The following LRRC4C variants were observed in gnomAD, a reference collection of about 807,000 sequenced individuals.
LRRC4C encodes the protein leucine-rich repeat-containing protein 4C.
Under a neutral mutation model 33.6 loss-of-function variants are expected in LRRC4C, and 5 were observed. That is an observed-to-expected ratio of 0.15 (90% CI 0.08 to 0.31). The LOEUF (loss-of-function observed/expected upper bound fraction) is 0.31. Ranked by LOEUF, LRRC4C falls within the 10% of genes least tolerant of loss-of-function variation. The pLI is 1.00. For missense variants in LRRC4C, 560 were observed against 796.7 expected, an observed-to-expected ratio of 0.70 and a Z score of 3.58; for synonymous variants, 329 against 302.0, an observed-to-expected ratio of 1.09 and a Z score of -0.93.
chr11:40,520,297 T>G (rs1479924329), intron 3 of LRRC4C, among the ~76,000 whole-genome samples: 1 of 152,190 alleles, frequency 6.6e-6, no homozygotes, highest in Non-Finnish European at 1.5e-5. Context: ...TGGTAAACTC[T>G]TTGGTGCAGG....
intron 6 of LRRC4C, among the ~76,000 whole-genome samples, chr11:40,135,541 G>A (rs781300046): frequency 7.9e-5 from 12 of 152,134 alleles, no homozygotes; most frequent in Non-Finnish European, 1.5e-4. Flanking sequence ...AAGCAATAAG[G>A]AGCTGGGTCC....
chr11:40,563,280 A>G (rs937879648), intron 3 of LRRC4C, among the ~76,000 whole-genome samples: 3 of 152,272 alleles, frequency 2.0e-5, no homozygotes, highest in Admixed American at 2.0e-4. Context: ...TACAGGGTGA[A>G]ATGTGGGGCA....
At chr11:40,725,990 C>A (rs1289139219) in intron 2 of LRRC4C, among the ~76,000 whole-genome samples, 1 of 152,068 alleles carries the variant, frequency 6.6e-6, no homozygotes, top group Non-Finnish European at 1.5e-5. Flanking sequence ...CACAATAGAT[C>A]CTCAGAGATT....
rs1565654144 is a variant in LRRC4C at position 41,413,901 on chromosome 11, G to A, written c.-496+45530C>T. 3.3e-5 allele frequency among the ~76,000 whole-genome samples: 5 copies of A among 152,154 alleles called. No individual in the cohort carries two copies. The South Asian group carries it at 8.3e-4, about 25-fold the overall frequency. On this transcript the variant is annotated intron_variant, in intron 1 of 6. Transcript: ENST00000528697. ...TTACAAATATCACAACGGAGCTATG[G>A]TAATCACTAAATGAGATATCTAACT...
intron 1 of LRRC4C, among the ~76,000 whole-genome samples, chr11:41,151,031 C>G (rs897101521): frequency 2.6e-5 from 4 of 151,816 alleles, no homozygotes; most frequent in African/African-American, 4.8e-5. Flanking sequence ...CACACACACA[C>G]AGACACACAC....
intron 1 of LRRC4C, among the ~76,000 whole-genome samples, chr11:41,192,277 C>T (rs746135338): frequency 6.6e-6 from 1 of 151,620 alleles, no homozygotes; most frequent in Non-Finnish European, 1.5e-5. Context: ...TTTTTCACTT[C>T]TTTTGTCAGA....
intron 2 of LRRC4C, among the ~76,000 whole-genome samples, chr11:40,711,422 T>C (rs946078496): frequency 5.3e-5 from 8 of 152,204 alleles, no homozygotes; most frequent in Admixed American, 5.2e-4. Context: ...TCCCCAGTTA[T>C]TGATCAAATT....
intron 1 of LRRC4C, among the ~76,000 whole-genome samples, chr11:41,224,736 G>T (rs368325372): frequency 2.0e-3 from 309 of 152,180 alleles, no homozygotes; most frequent in African/African-American, 7.0e-3. Context: ...ATTCTATGTG[G>T]GATTAACTGA....
chr11:41,305,861 C>A lies in LRRC4C; in HGVS notation c.-496+153570G>T, dbSNP rs1341258266. 2.4e-3 allele frequency among the ~76,000 whole-genome samples: 320 copies of A among 134,172 alleles called. 1 individual carries two copies. Among genetic ancestry groups the A allele is most frequent in the Non-Finnish European group, 3.9e-3 (246 of 62,534 alleles). The allele number at this position is 134,172 out of a possible 152,430, so 88.0% of individuals were successfully genotyped here. ...CCTCCACTATTGTCCCATGACCCTGCCAAATCCCCCTCTGTGAGAAACACC... is the reference window on the plus strand; with the variant it reads ...CCTCCACTATTGTCCCATGACCCTGACAAATCCCCCTCTGTGAGAAACACC... On this transcript the variant is annotated intron_variant, in intron 1 of 6. Transcript: ENST00000528697.
At chr11:40,895,869 G>A (rs1271748401) in intron 2 of LRRC4C, among the ~76,000 whole-genome samples, 1 of 152,090 alleles carries the variant, frequency 6.6e-6, no homozygotes, top group Admixed American at 6.6e-5. Flanking sequence ...CCTGCAATCT[G>A]GGGGCTGTCT....
intron 2 of LRRC4C, among the ~76,000 whole-genome samples, chr11:40,866,083 T>C (rs1227902051): frequency 6.6e-6 from 1 of 150,984 alleles, no homozygotes; most frequent in Admixed American, 6.6e-5. Context: ...GGGTCAGAAG[T>C]ATATGGTCTG....
intron 2 of LRRC4C, among the ~76,000 whole-genome samples, chr11:40,659,936 A>G (rs573631053): frequency 1.3e-5 from 2 of 152,326 alleles, no homozygotes; most frequent in South Asian, 4.1e-4. Flanking sequence ...CTGTAACACA[A>G]ACAGGGCTGA....
At chr11:40,126,100 G>T (rs1037779990) in intron 6 of LRRC4C, among the ~76,000 whole-genome samples, 1 of 151,436 alleles carries the variant, frequency 6.6e-6, no homozygotes, top group Admixed American at 6.6e-5. Context: ...GCAGCTGTTT[G>T]GCTAAACACA....
chr11:40,565,033 A>T (rs1957699195), intron 3 of LRRC4C, among the ~76,000 whole-genome samples: 1 of 152,206 alleles, frequency 6.6e-6, no homozygotes, highest in Non-Finnish European at 1.5e-5. Flanking sequence ...TCTACCAACC[A>T]ACCAAGACCT....
chr11:40,964,480 A>T (rs912306178), intron 1 of LRRC4C, among the ~76,000 whole-genome samples: 11 of 149,654 alleles, frequency 7.4e-5, no homozygotes, highest in Admixed American at 7.3e-4. Flanking sequence ...TTAACTCGTC[A>T]TTTAGCATTA....
At position 40,126,084 on chromosome 11, in the gene LRRC4C, T is replaced by C. The variant is rs1856199330; in HGVS notation, c.-42-9750A>G. 2.0e-5 allele frequency among the ~76,000 whole-genome samples: 3 copies of C among 151,068 alleles called. No individual in the cohort carries two copies. In the South Asian group the frequency reaches 6.3e-4, roughly 32 times the overall value. On this transcript the variant is annotated intron_variant, in intron 6 of 6. Coordinates refer to ENST00000528697, the MANE Select transcript of LRRC4C (RefSeq NM_001258419.2). ...AACCCAGTGAATCAACCTGTCAAGT[T>C]AACAAGCAGCTGTTTGGCTAAACAC... is the stretch of plus-strand genomic sequence containing the variant.
At position 40,271,206 on chromosome 11, in the gene LRRC4C, C is replaced by T. The variant is rs530066955; in HGVS notation, c.-175-29608G>A. On this transcript the variant is annotated intron_variant, in intron 4 of 6. Transcript: ENST00000528697. ...ATTCCAAAACCAGTTCCCAATACCCCTTCCCTTCCAGCAGACTATAAGCCC... is the reference window on the plus strand; with the variant it reads ...ATTCCAAAACCAGTTCCCAATACCCTTTCCCTTCCAGCAGACTATAAGCCC... Among the ~76,000 whole-genome samples the T allele has an allele frequency of 7.9e-5, 12 of 152,244 alleles. No homozygotes were observed. The South Asian group carries it at 2.5e-3, about 32-fold the overall frequency.
chr11:41,220,531 CAT>C (rs1947258847), intron 1 of LRRC4C, among the ~76,000 whole-genome samples: 1 of 92,086 alleles, frequency 1.1e-5, no homozygotes. Flanking sequence ...AACACACAGA[CAT>C]ACACACACAC....
intron 1 of LRRC4C, among the ~76,000 whole-genome samples, chr11:41,187,772 C>T (rs1159873106): frequency 6.6e-6 from 1 of 152,144 alleles, no homozygotes; most frequent in African/African-American, 2.4e-5. Flanking sequence ...AGCATTCACC[C>T]CTAGACGCTG....
Sources: gnomAD v4.1 joint callset for allele counts (sites outside exome capture counted in the v4.1 genomes callset) on GRCh38, gnomAD v4.1.1 for gene constraint, MANE v1.5 for transcripts, NCBI Gene and HGNC (gene_info 2026-07-23, HGNC 2026-07-21) for gene names.